FAT3: variants seen among roughly 807,000 people sequenced by gnomAD.
The protein encoded by FAT3 is protocadherin Fat 3.
A neutral mutation model predicts 310.2 loss-of-function variants in FAT3; 95 were observed. The ratio of observed to expected loss-of-function variants is 0.31; its 90% CI spans 0.26 to 0.36. The LOEUF (loss-of-function observed/expected upper bound fraction) is 0.36, where lower values mean the gene tolerates loss of function less well. FAT3 is among the 10% of genes least tolerant of loss of function. FAT3 has a pLI of 1.00. For missense variants in FAT3, 5,408 were observed against 5,715.6 expected (o/e 0.95, Z 1.74); for synonymous variants, 2,314 against 2,192.9 (o/e 1.06, Z -1.54).
At chr11:92,774,926 A>G (rs903971799) in intron 7 of FAT3, among the ~76,000 whole-genome samples, 1 of 152,202 alleles carries the variant, frequency 6.6e-6, no homozygotes, top group African/African-American at 2.4e-5. Flanking sequence ...TCTTTCTGAG[A>G]CTAGCACAAT....
intron 3 of FAT3, among the ~76,000 whole-genome samples, chr11:92,683,285 T>C (rs944814274): frequency 2.0e-5 from 3 of 152,142 alleles, no homozygotes; most frequent in Non-Finnish European, 2.9e-5. Flanking sequence ...AGCTGACTGA[T>C]TGCATGCCCC....
chr11:92,323,122 C>T (rs551080733), intron 1 of FAT3, among the ~76,000 whole-genome samples: 1 of 152,202 alleles, frequency 6.6e-6, no homozygotes, highest in African/African-American at 2.4e-5. Context: ...TGTTAGCAGG[C>T]ATGAAAACAG....
chr11:92,878,339 C>A (rs1158082333), intron 22 of FAT3, among the ~76,000 whole-genome samples: 1 of 151,900 alleles, frequency 6.6e-6, no homozygotes, highest in Non-Finnish European at 1.5e-5. Flanking sequence ...TTTTGTCATA[C>A]CCAAGTGAGA....
chr11:92,237,764 A>T (rs144988622), intron 1 of FAT3, among the ~76,000 whole-genome samples: 1 of 152,136 alleles, frequency 6.6e-6, no homozygotes, highest in Non-Finnish European at 1.5e-5. Context: ...GGTCCAATGA[A>T]TGAATGAGAT....
chr11:92,240,820 G>A (rs1864644239), intron 1 of FAT3, among the ~76,000 whole-genome samples: 1 of 151,922 alleles, frequency 6.6e-6, no homozygotes, highest in African/African-American at 2.4e-5. Flanking sequence ...AAATGTCCTG[G>A]GAAGTTATTA....
chr11:92,770,279 T>C (rs1404000040), intron 6 of FAT3, among the ~76,000 whole-genome samples: 1 of 152,124 alleles, frequency 6.6e-6, no homozygotes, highest in South Asian at 2.1e-4. Context: ...CTTCATATAC[T>C]ATTAATAGTT....
chr11:92,482,276 T>C (rs943756913), intron 2 of FAT3, among the ~76,000 whole-genome samples: 1 of 152,168 alleles, frequency 6.6e-6, no homozygotes, highest in Non-Finnish European at 1.5e-5. Context: ...AACACTTCTG[T>C]GAATTAAAAT....
chr11:92,556,797 C>G (rs1265593263), intron 3 of FAT3, among the ~76,000 whole-genome samples: 1 of 152,100 alleles, frequency 6.6e-6, no homozygotes, highest in Admixed American at 6.5e-5. Flanking sequence ...CTAATCAGCT[C>G]CATTACATAT....
At position 92,354,704 on chromosome 11, in the gene FAT3, T is replaced by C; in HGVS notation, c.2592T>C (p.Gly864=). Reference sequence around the variant, plus strand: ...GAGACAAAGACTTAGGTTCTAATGGTGAAGTGACTTACTCAGTCTTGACAG... The same window carrying C: ...GAGACAAAGACTTAGGTTCTAATGGCGAAGTGACTTACTCAGTCTTGACAG... The part of the protein sequence containing the change: ...EARDKDLGSN[G]EVTYSVLTDT... The change falls in exon 2 of 28, where the codon GGT becomes GGC. Residue 864 remains glycine, a synonymous_variant. Transcript: ENST00000525166. 1 of 1,613,870 alleles carries C rather than the reference T, an allele frequency of 6.2e-7. No individual in the cohort carries two copies. The highest frequency in any genetic ancestry group is 1.1e-5 in the South Asian group (1 of 91,078).
chr11:92,290,687 C>G (rs1036489146), intron 1 of FAT3, among the ~76,000 whole-genome samples: 6 of 151,670 alleles, frequency 4.0e-5, no homozygotes, highest in South Asian at 2.1e-4. Context: ...TCGCTTGAAC[C>G]TGGGAGGCAG....
At position 92,593,830 on chromosome 11, in the gene FAT3, G is replaced by C. The variant is rs1263349098; in HGVS notation, c.3607+68882G>C. On this transcript the variant is annotated intron_variant, in intron 3 of 27. Transcript: ENST00000525166. ...ATGATTCCATTGCCTGGCTAGGCCA[G>C]GAAAGTCTATTGAAACAAAAAATTA... Among the ~76,000 whole-genome samples, 3 of 152,158 alleles carry C rather than the reference G, an allele frequency of 2.0e-5. No individual in the cohort carries two copies. In the East Asian group the frequency reaches 5.8e-4, roughly 29 times the overall value.
rs1266179430 is a variant in FAT3, at chr11:92,225,011, A to G, written c.-181A>G. The stretch of plus-strand genomic sequence containing the variant: ...GCGGCGGCGGCGGCGTCCCGAGCGC[A>G]GAGCGCTTCTGCTCGCGGCCTCAGT... On this transcript the variant is annotated 5_prime_UTR_variant, in exon 1 of 28. Transcript: ENST00000525166. 1.3e-5 allele frequency among the ~76,000 whole-genome samples: 2 copies of G among 151,996 alleles called. No individual in the cohort carries two copies. Among genetic ancestry groups the G allele is most frequent in the African/African-American group, 4.8e-5 (2 of 41,388 alleles).
chr11:92,763,784 G>A (rs1946225742), intron 5 of FAT3, among the ~76,000 whole-genome samples: 1 of 152,016 alleles, frequency 6.6e-6, no homozygotes, highest in Non-Finnish European at 1.5e-5. Flanking sequence ...TTTCTCCTGA[G>A]AGCACTTCCC....
intron 12 of FAT3, among the ~76,000 whole-genome samples, chr11:92,806,915 A>G (rs1367011241): frequency 2.6e-5 from 4 of 152,172 alleles, no homozygotes; most frequent in Non-Finnish European, 4.4e-5. Flanking sequence ...AGGAAACTCA[A>G]TGGAACTGGA....
rs1591455979 is a variant in FAT3 at position 92,564,107 on chromosome 11, T to A, written c.3607+39159T>A. Among the ~76,000 whole-genome samples the A allele has an allele frequency of 2.6e-5, 4 of 151,978 alleles. 1 individual carries two copies. The highest frequency in any genetic ancestry group is 9.7e-5 in the African/African-American group (4 of 41,438). On this transcript the variant is annotated intron_variant, in intron 3 of 27. Transcript: ENST00000525166. The stretch of plus-strand genomic sequence containing the variant: ...ACAGACTGGCAAGTTGGATAAAGAG[T>A]CAAGACCCATCAGTGTGCTGTATTC...
intron 1 of FAT3, among the ~76,000 whole-genome samples, chr11:92,285,682 T>C (rs1158815883): frequency 1.3e-5 from 2 of 152,180 alleles, no homozygotes; most frequent in Admixed American, 6.5e-5. Context: ...AAAACAGTTA[T>C]CTTGGCAGAA....
intron 4 of FAT3, among the ~76,000 whole-genome samples, chr11:92,741,164 C>G (rs988212509): frequency 1.3e-5 from 2 of 152,192 alleles, no homozygotes; most frequent in African/African-American, 4.8e-5. Context: ...ACCTTAGCCT[C>G]CCCAGTAACT....
intron 4 of FAT3, among the ~76,000 whole-genome samples, chr11:92,742,733 G>C (rs890315793): frequency 6.6e-6 from 1 of 152,154 alleles, no homozygotes; most frequent in Non-Finnish European, 1.5e-5. Flanking sequence ...CTTGATGTTG[G>C]ACTTCCCAGG....
chr11:92,268,976 T>C (rs750183667), intron 1 of FAT3, among the ~76,000 whole-genome samples: 1 of 152,146 alleles, frequency 6.6e-6, no homozygotes, highest in Non-Finnish European at 1.5e-5. Context: ...AAATTTAAAA[T>C]GGATGTATTC....
Sources: gnomAD v4.1 joint callset for allele counts (sites outside exome capture counted in the v4.1 genomes callset) on GRCh38, gnomAD v4.1.1 for gene constraint, MANE v1.5 for transcripts, NCBI Gene and HGNC (gene_info 2026-07-23, HGNC 2026-07-21) for gene names.